Variants in DNAAF11 observed in about 807,000 individuals in gnomAD.
DNAAF11 encodes dynein axonemal assembly factor 11, also known as leucine rich repeat containing 6.
In DNAAF11, 45 loss-of-function variants were observed where a neutral mutation model predicts 60.8. That is an observed-to-expected ratio of 0.74 (90% CI 0.58 to 0.95). The LOEUF (loss-of-function observed/expected upper bound fraction) is 0.95. DNAAF11 is among the 40% of genes least tolerant of loss of function. DNAAF11 has a pLI of 0.00. For synonymous variants in DNAAF11, 191 were observed against 183.5 expected (o/e 1.04, Z -0.33); for missense variants, 546 against 546.2 (o/e 1.00, Z 0.00).
At chr8:132,687,230 TAC>T in the DNAAF11 span, among the ~76,000 whole-genome samples, 1 of 152,226 alleles carries the variant, frequency 6.6e-6, no homozygotes, top group South Asian at 2.1e-4. Flanking sequence ...TATATATATT[TAC>T]AGTTATTTCC....
At chr8:132,666,715 C>T (rs552328179) in intron 1 of DNAAF11, among the ~76,000 whole-genome samples, 22 of 152,200 alleles carry the variant, frequency 1.4e-4, no homozygotes, top group Non-Finnish European at 2.8e-4. Flanking sequence ...TCTTCTTTCA[C>T]TTTGCAGCAA....
rs1055883747 is a variant in DNAAF11, at chr8:132,570,511, C to T, written c.*1795G>A. On this transcript the variant is annotated 3_prime_UTR_variant, in exon 12 of 12. Transcript: ENST00000620350. ...ATGTGGAAATTAAATACAGTCCTGACAAATGTACATGATTTCCAAGTTGGT... is the reference window on the plus strand; with the variant it reads ...ATGTGGAAATTAAATACAGTCCTGATAAATGTACATGATTTCCAAGTTGGT... Among the ~76,000 whole-genome samples, 1 of 152,164 alleles carries T rather than the reference C, an allele frequency of 6.6e-6. No homozygotes were observed. The highest frequency in any genetic ancestry group is 1.5e-5 in the Non-Finnish European group (1 of 68,034).
At chr8:132,675,290 C>A in intron 1 of DNAAF11, 194 bp downstream of exon 1, 1 of 553,536 alleles carries the variant, frequency 1.8e-6, no homozygotes. Context: ...TGGAAAAGGC[C>A]AGGCTGTCCG....
chr8:132,620,761 T>C (rs1819677275), intron 7 of DNAAF11, among the ~76,000 whole-genome samples: 1 of 152,144 alleles, frequency 6.6e-6, no homozygotes. Context: ...CGTGGTTGTT[T>C]GAGTGGAGGG....
At chr8:132,660,064 C>T (rs1401920363) in intron 2 of DNAAF11, among the ~76,000 whole-genome samples, 5 of 152,180 alleles carry the variant, frequency 3.3e-5, no homozygotes, top group Non-Finnish European at 7.3e-5. Context: ...GGGGTTGGCA[C>T]TCACTCTGCC....
intron 3 of DNAAF11, among the ~76,000 whole-genome samples, chr8:132,648,143 T>C (rs966957963): frequency 1.3e-5 from 2 of 152,122 alleles, no homozygotes; most frequent in Admixed American, 6.5e-5. Context: ...CAGCAGCACA[T>C]CAAAAAGCTT....
At chr8:132,665,719 ACAAT>A (rs1254276101) in intron 1 of DNAAF11, among the ~76,000 whole-genome samples, 1 of 152,224 alleles carries the variant, frequency 6.6e-6, no homozygotes, top group Non-Finnish European at 1.5e-5. Flanking sequence ...AATAGAATGA[ACAAT>A]CAACCTAGCA....
chr8:132,647,809 C>T (rs907145411), intron 3 of DNAAF11, among the ~76,000 whole-genome samples: 2 of 152,034 alleles, frequency 1.3e-5, no homozygotes, highest in African/African-American at 4.8e-5. Flanking sequence ...CAAGACTAAC[C>T]CAGGAAGAAG....
the DNAAF11 span, among the ~76,000 whole-genome samples, chr8:132,700,363 G>A: frequency 2.6e-5 from 4 of 152,130 alleles, no homozygotes; most frequent in African/African-American, 9.6e-5. Context: ...TCACCAGCTG[G>A]CTCTGGGAGA....
At chr8:132,693,325 A>T in the DNAAF11 span, among the ~76,000 whole-genome samples, 1 of 152,236 alleles carries the variant, frequency 6.6e-6, no homozygotes. Context: ...ATATGGACAG[A>T]TGCCATTGCT....
At chr8:132,648,051 A>C (rs1282967676) in intron 3 of DNAAF11, among the ~76,000 whole-genome samples, 1 of 152,184 alleles carries the variant, frequency 6.6e-6, no homozygotes, top group African/African-American at 2.4e-5. Flanking sequence ...GCAGAGACAC[A>C]ACAAAAAAAG....
At chr8:132,654,826 C>T (rs1334659747) in intron 3 of DNAAF11, among the ~76,000 whole-genome samples, 1 of 151,178 alleles carries the variant, frequency 6.6e-6, no homozygotes, top group African/African-American at 2.4e-5. Context: ...CCATAAAAAA[C>T]AACGACTCAT....
At chr8:132,666,937 A>T (rs1329270928) in intron 1 of DNAAF11, among the ~76,000 whole-genome samples, 2 of 152,308 alleles carry the variant, frequency 1.3e-5, no homozygotes, top group Non-Finnish European at 2.9e-5. Context: ...AGATTATTCA[A>T]GAGAATGGGG....
intron 10 of DNAAF11, among the ~76,000 whole-genome samples, chr8:132,588,642 T>C (rs148902781): frequency 1.3e-5 from 2 of 152,306 alleles, no homozygotes; most frequent in African/African-American, 4.8e-5. Context: ...GAGGGAGCTG[T>C]GCTAGAAAGG....
chr8:132,616,104 T>C (rs1443140695), intron 7 of DNAAF11, among the ~76,000 whole-genome samples: 1 of 152,014 alleles, frequency 6.6e-6, no homozygotes, highest in African/African-American at 2.4e-5. Flanking sequence ...TTCAGAGAAT[T>C]TTCCTATGGC....
At position 132,570,439 on chromosome 8, in the gene DNAAF11, G is replaced by C. The variant is rs192532172; in HGVS notation, c.*1867C>G. 2.0e-5 allele frequency among the ~76,000 whole-genome samples: 3 copies of C among 152,094 alleles called. No homozygotes were observed. On this transcript the variant is annotated 3_prime_UTR_variant, in exon 12 of 12. Transcript: ENST00000620350. ...GATGGCACAGTTTTGTTTGTTTAAT[G>C]GATAATTCTATTAGTTTGGTCAAAA... is the stretch of plus-strand genomic sequence containing the variant.
At chr8:132,668,586 C>T (rs1319844364) in intron 1 of DNAAF11, among the ~76,000 whole-genome samples, 1 of 152,060 alleles carries the variant, frequency 6.6e-6, no homozygotes, top group African/African-American at 2.4e-5. Flanking sequence ...CTACAGGCAC[C>T]TGCCACCACG....
chr8:132,606,423 G>A (rs979421940), intron 10 of DNAAF11, among the ~76,000 whole-genome samples: 1 of 152,120 alleles, frequency 6.6e-6, no homozygotes, highest in Non-Finnish European at 1.5e-5. Context: ...AGGCTAATGT[G>A]TGAGTTTGAG....
intron 10 of DNAAF11, among the ~76,000 whole-genome samples, chr8:132,592,680 T>C (rs1816592077): frequency 6.6e-6 from 1 of 152,120 alleles, no homozygotes; most frequent in Non-Finnish European, 1.5e-5. Context: ...AAATAAAATA[T>C]GAAAAGAGGA....
Sources: gnomAD v4.1 joint callset for allele counts (sites outside exome capture counted in the v4.1 genomes callset) on GRCh38, gnomAD v4.1.1 for gene constraint, MANE v1.5 for transcripts, NCBI Gene and HGNC (gene_info 2026-07-23, HGNC 2026-07-21) for gene names.